Variants in YY1AP1 observed in about 807,000 individuals in gnomAD.
YY1AP1 encodes YY1-associated protein 1.
Under a neutral mutation model 39.9 loss-of-function variants are expected in YY1AP1, and 43 were observed. That is an observed-to-expected ratio of 1.08 (90% CI 0.84 to 1.39). The LOEUF is 1.39. Among genes scored for constraint, YY1AP1 ranks in the 40% most tolerant of loss-of-function variants. The pLI, the probability that YY1AP1 is intolerant of heterozygous loss-of-function variation, is 0.00. For missense variants in YY1AP1, 813 were observed against 900.7 expected (o/e 0.90, Z 1.25); for synonymous variants, 292 against 331.3 (o/e 0.88, Z 1.29).
At position 155,668,746 on chromosome 1, in the gene YY1AP1, C is replaced by G. The variant is rs1237047454; in HGVS notation, c.760G>C (p.Gly254Arg). 1 of 1,614,150 alleles carries G rather than the reference C, an allele frequency of 6.2e-7. No homozygotes were observed. The highest frequency in any genetic ancestry group is 1.1e-5 in the South Asian group (1 of 91,082). ...LLALGLKHFE[G>R]TEFLNPLISK... ...ATTAGAGGGTTAAGAAACTCAGTCC[C>G]TTCAAAATGCTTCAGTCCTAAAGCT... Residue 254 changes from glycine (G) to arginine (R), a missense_variant, in exon 9 of 11, where the codon GGG becomes CGG. Around this residue, in one of 3 missense-constraint regions of YY1AP1, gnomAD observed 586 missense variants for 647.4 expected, o/e 0.91. Transcript: ENST00000355499.
At chr1:155,688,047 G>A (rs1235637021) in intron 2 of YY1AP1, 24 bp downstream of exon 2, 9 of 1,551,220 alleles carry the variant, frequency 5.8e-6, no homozygotes, top group African/African-American at 1.4e-5. Flanking sequence ...AGGCCCGAAT[G>A]CCGGCCCAAA....
chr1:155,660,908 A>G lies in YY1AP1; in HGVS notation c.1002T>C (p.Ser334=), dbSNP rs1647993808. The change falls in exon 11 of 11, where the codon AGT becomes AGC. Residue 334 remains serine, a synonymous_variant. Coordinates refer to ENST00000355499, the MANE Select transcript of YY1AP1 (RefSeq NM_139119.3). ...EHRLPFWLKA[S]LPSIQEELRH... The stretch of plus-strand genomic sequence containing the variant: ...GCAGTTCTTCCTGGATGGATGGCAG[A>G]CTGGCCTATTGGAAATGAGAACACT... The G allele has an allele frequency of 6.2e-7, 1 of 1,614,040 alleles. No individual in the cohort carries two copies. The highest frequency in any genetic ancestry group is 1.1e-5 in the South Asian group (1 of 91,090).
chr1:155,684,471 T>A (rs1651944567), intron 2 of YY1AP1, among the ~76,000 whole-genome samples: 1 of 152,020 alleles, frequency 6.6e-6, no homozygotes, highest in Admixed American at 6.6e-5. Flanking sequence ...GCCATGTCAA[T>A]AGAAAGAAAG....
chr1:155,665,468 A>G (rs1163181982), intron 9 of YY1AP1, among the ~76,000 whole-genome samples: 1 of 151,880 alleles, frequency 6.6e-6, no homozygotes, highest in African/African-American at 2.4e-5. Flanking sequence ...GCGTAGTGGC[A>G]TGTGCCTATA....
At chr1:155,680,110 C>T (rs1484829055) in intron 3 of YY1AP1, 4 of 262,352 alleles carry the variant, frequency 1.5e-5, no homozygotes, top group Non-Finnish European at 2.9e-5. Flanking sequence ...CCCTGGAGGT[C>T]GAGGCTGCTG....
rs774863632 is a variant in YY1AP1 at position 155,688,161 on chromosome 1, A to G, written c.-111T>C. The G allele has an allele frequency of 6.2e-7, 1 of 1,613,780 alleles. No individual in the cohort carries two copies. Among genetic ancestry groups the G allele is most frequent in the Non-Finnish European group, 8.5e-7 (1 of 1,179,952 alleles). On this transcript the variant is annotated 5_prime_UTR_variant, in exon 2 of 11. Coordinates refer to ENST00000355499, the MANE Select transcript of YY1AP1 (RefSeq NM_139119.3). ...CTCCGCTTCCCTGGGTCCACCGCGG[A>G]TCCCTCCCGCTTGTCAGGAGGCGGC... is the stretch of plus-strand genomic sequence containing the variant.
rs771342726 is a variant in YY1AP1 at position 155,668,712 on chromosome 1, T to C, written c.794A>G (p.Tyr265Cys). ...GCGGGCAGTCTTGCAGGTTAGAAGGTACTTGCTGATTAGAGGGTTAAGAAA... is the reference window on the plus strand; with the variant it reads ...GCGGGCAGTCTTGCAGGTTAGAAGGCACTTGCTGATTAGAGGGTTAAGAAA... ...TEFLNPLISK[Y>C]LLTCKTARQL... Residue 265 changes from tyrosine (Y) to cysteine (C), a missense_variant, in exon 9 of 11, where the codon TAC becomes TGC. Transcript: ENST00000355499. The C allele has an allele frequency of 6.2e-6, 10 of 1,614,028 alleles. No homozygotes were observed. Among genetic ancestry groups the C allele is most frequent in the Admixed American group, 3.3e-5 (2 of 59,996 alleles).
intron 9 of YY1AP1, among the ~76,000 whole-genome samples, chr1:155,666,225 C>T (rs1436418717): frequency 6.6e-6 from 1 of 152,016 alleles, no homozygotes; most frequent in Non-Finnish European, 1.5e-5. Context: ...GGGTTCACAC[C>T]ATTCTCCTGC....
intron 8 of YY1AP1, among the ~76,000 whole-genome samples, chr1:155,669,157 CTGAG>C (rs1649490170): frequency 6.6e-6 from 1 of 152,216 alleles, no homozygotes; most frequent in South Asian, 2.1e-4. Context: ...CTTCAGCCTC[CTGAG>C]TATCTGTGGC....
Position 155,668,614 on chromosome 1 carries a change from AG to A in YY1AP1, c.879+12del, listed in dbSNP as rs1306744685. Reference sequence around the variant, plus strand: ...GGTGAGGTGCCTGGATAGTGCATGCAGGAAACACTCACTTTAATGATGTTGT... The same window carrying A: ...GGTGAGGTGCCTGGATAGTGCATGCAGAAACACTCACTTTAATGATGTTGT... On this transcript the variant is annotated intron_variant, in intron 9 of 10. Transcript: ENST00000355499. The A allele has an allele frequency of 1.9e-6, 3 of 1,614,082 alleles. No homozygotes were observed. The highest frequency in any genetic ancestry group is 2.5e-6 in the Non-Finnish European group (3 of 1,180,028).
chr1:155,663,633 T>G (rs1359723780), intron 9 of YY1AP1, among the ~76,000 whole-genome samples: 3 of 150,950 alleles, frequency 2.0e-5, no homozygotes, highest in Non-Finnish European at 4.4e-5. Flanking sequence ...ACAGGACAAT[T>G]GCTTGAACCT....
chr1:155,664,365 A>G (rs1042995934), intron 9 of YY1AP1, among the ~76,000 whole-genome samples: 1 of 152,184 alleles, frequency 6.6e-6, no homozygotes, highest in Non-Finnish European at 1.5e-5. Context: ...TTCTCCCAAT[A>G]TAATGTTTTT....
chr1:155,688,598 C>T (rs1653085286), intron 1 of YY1AP1, 61 bp downstream of exon 1: 11 of 1,535,826 alleles, frequency 7.2e-6, no homozygotes, highest in Non-Finnish European at 9.6e-6. Flanking sequence ...CCTCCTCGCC[C>T]AGTTCTCCAC....
rs1020715750 is a variant in YY1AP1, at chr1:155,661,071, T to C, written c.997-158A>G. ...AAGACCACAGTCCAATTATACACTT[T>C]AGAAACTCTTCTCTGAATTTCCTTT... On this transcript the variant is annotated intron_variant, in intron 10 of 10. Transcript: ENST00000355499. 14 of 1,480,302 alleles carry C rather than the reference T, an allele frequency of 9.5e-6. No homozygotes were observed. The African/African-American group carries it at 1.3e-4, about 13-fold the overall frequency. The allele number at this position is 1,480,302 out of a possible 1,614,324, so 91.7% of individuals were successfully genotyped here. A position where few individuals can be genotyped will look rare whatever the true frequency, so the allele number is the denominator to read the frequency against.
chr1:155,671,959 G>C (rs1649930904), intron 7 of YY1AP1, among the ~76,000 whole-genome samples: 1 of 152,124 alleles, frequency 6.6e-6, no homozygotes, highest in Non-Finnish European at 1.5e-5. Flanking sequence ...AAACAAATCA[G>C]AAGTAAATAT....
At chr1:155,685,978 T>C (rs976721794) in intron 2 of YY1AP1, among the ~76,000 whole-genome samples, 4 of 148,872 alleles carry the variant, frequency 2.7e-5, no homozygotes, top group African/African-American at 9.8e-5. Context: ...CATTCTTACC[T>C]CATATTCATA....
chr1:155,683,186 T>C (rs186222136), intron 2 of YY1AP1, among the ~76,000 whole-genome samples: 25 of 152,308 alleles, frequency 1.6e-4, no homozygotes, highest in African/African-American at 1.9e-4. Flanking sequence ...AAAGATCCTA[T>C]ATTGGAAAAT....
chr1:155,676,713 T>G lies in YY1AP1; in HGVS notation c.159A>C (p.Glu53Asp). 2 of 1,614,152 alleles carry G rather than the reference T, an allele frequency of 1.2e-6. No homozygotes were observed. The highest frequency in any genetic ancestry group is 1.7e-6 in the Non-Finnish European group (2 of 1,180,014). Residue 53 changes from glutamate (E) to aspartate (D), a missense_variant, in exon 5 of 11, where the codon GAA becomes GAC. Glu to Asp is a conservative substitution (Grantham distance 45, BLOSUM62 2). This residue lies in a region of YY1AP1 where 196 missense variants were observed against 189.7 expected (regional missense o/e 1.03). Coordinates refer to ENST00000355499, the MANE Select transcript of YY1AP1 (RefSeq NM_139119.3). ...ATAGTTCCTTCGCTATCTGATGTTGTTCATTTAGTAGGTTGGCCAGTAGTT... is the reference window on the plus strand; with the variant it reads ...ATAGTTCCTTCGCTATCTGATGTTGGTCATTTAGTAGGTTGGCCAGTAGTT... ...FEELLANLLN[E>D]QHQIAKELFE...
intron 4 of YY1AP1, 186 bp downstream of exon 4, chr1:155,679,223 C>G (rs1651162318): frequency 6.6e-7 from 1 of 1,526,536 alleles, no homozygotes. Context: ...ACAGCTTGGC[C>G]TACAGCTGCA....
Sources: gnomAD v4.1 joint callset for allele counts (sites outside exome capture counted in the v4.1 genomes callset) on GRCh38, gnomAD v4.1.1 for gene constraint, gnomAD v4.1.1 regional missense constraint, MANE v1.5 for transcripts, NCBI Gene and HGNC (gene_info 2026-07-23, HGNC 2026-07-21) for gene names.